The following ZNF347 variants were observed in gnomAD, a reference collection of about 807,000 sequenced individuals.
ZNF347 encodes the protein CTD-2620I22.7.
ZNF347 carries 19 observed loss-of-function variants against 12.9 expected under a neutral mutation model. The observed-to-expected ratio is 1.47, with a 90% CI of 1.03 to 2.16. ZNF347 has a LOEUF of 2.16. ZNF347 is among the 30% of genes most tolerant of loss of function. The pLI is 0.00. For missense variants in ZNF347, 1,005 were observed against 990.6 expected, an observed-to-expected ratio of 1.01 and a Z score of -0.19; for synonymous variants, 328 against 340.6, an observed-to-expected ratio of 0.96 and a Z score of 0.41.
intron 1 of ZNF347, among the ~76,000 whole-genome samples, chr19:53,157,817 G>A (rs1208897400): frequency 6.6e-6 from 1 of 152,218 alleles, no homozygotes; most frequent in East Asian, 1.9e-4. Context: ...GACTCTGTCT[G>A]AGGAGCCTCC....
rs1327514128 is a variant in ZNF347 at position 53,138,346 on chromosome 19, G to A, written c.*1962C>T. On this transcript the variant is annotated 3_prime_UTR_variant, in exon 5 of 5. Transcript: ENST00000334197. ...TTGTCCTGGCTGGTTCAAACTCCTG[G>A]ACTCAAGTGACCCCCCTGCCTTGGG... 1 of 150,834 alleles carries A rather than the reference G, an allele frequency of 6.6e-6. No homozygotes were observed. The highest frequency in any genetic ancestry group is 2.4e-5 in the African/African-American group (1 of 40,908). 9.3% of individuals were successfully genotyped at this position (150,834 alleles called of 1,614,324 possible).
chr19:53,141,422 T>C lies in ZNF347; in HGVS notation c.1406A>G (p.Asn469Ser). The change falls in exon 5 of 5, where the codon AAT becomes AGT. Residue 469 changes from asparagine (N) to serine (S), a missense_variant. Asn to Ser is a conservative substitution (Grantham distance 46). Transcript: ENST00000334197. ...TAGCTGATGCCTTGCAAGGTGTGAA[T>C]TACGCCTAAAGACCTTGCCGCATTC... ...CHECGKVFRR[N>S]SHLARHQLIH... is the part of the protein sequence containing the mutation. The C allele has an allele frequency of 5.0e-6, 8 of 1,613,900 alleles. No individual in the cohort carries two copies. Among genetic ancestry groups the C allele is most frequent in the Non-Finnish European group, 6.8e-6 (8 of 1,179,922 alleles).
chr19:53,147,225 A>G (rs1464151017), intron 4 of ZNF347, among the ~76,000 whole-genome samples: 1 of 151,870 alleles, frequency 6.6e-6, no homozygotes, highest in East Asian at 1.9e-4. Context: ...AAATACAAAA[A>G]TCAGCCAAGT....
Position 53,142,448 on chromosome 19 carries a change from T to G in ZNF347, c.380A>C (p.Glu127Ala). 1 of 1,614,124 alleles carries G rather than the reference T, an allele frequency of 6.2e-7. No homozygotes were observed. The highest frequency in any genetic ancestry group is 8.5e-7 in the Non-Finnish European group (1 of 1,179,978). Residue 127 changes from glutamate to alanine, a missense_variant, in exon 5 of 5, where the codon GAA (glutamate) becomes GCA (alanine). Physicochemically the swap from Glu to Ala is moderately radical, Grantham distance 107. Transcript: ENST00000334197. Reference protein sequence around the residue: ...MLERQESQDIEGCSFREVQKN... With the variant: ...MLERQESQDIAGCSFREVQKN... ...CTGGACTTCCCTGAAGGAACATCCT[T>G]CAATGTCTTGGCTTTCCTGTCTTTC...
Position 53,142,109 on chromosome 19 carries a change from T to C in ZNF347, c.719A>G (p.Lys240Arg). ...VKTHISKKYL[K>R]DFISSLLLTQ... Reference sequence around the variant, plus strand: ...GAGTAATAAAGAAGAGATAAAATCTTTGAGATATTTCTTAGAAATGTGGGT... The same window carrying C: ...GAGTAATAAAGAAGAGATAAAATCTCTGAGATATTTCTTAGAAATGTGGGT... Residue 240 changes from lysine (K) to arginine (R), a missense_variant, in exon 5 of 5, where the codon AAA (lysine) becomes AGA (arginine). Transcript: ENST00000334197. The C allele has an allele frequency of 1.9e-6, 3 of 1,612,842 alleles. No homozygotes were observed. The highest frequency in any genetic ancestry group is 2.2e-5 in the South Asian group (2 of 90,608).
chr19:53,142,537 T>C lies in ZNF347; in HGVS notation c.291A>G (p.Val97=), dbSNP rs776445866. 7.5e-6 allele frequency: 12 copies of C among 1,591,418 alleles called. No homozygotes were observed. Among genetic ancestry groups the C allele is most frequent in the South Asian group, 5.7e-5 (5 of 87,406 alleles). Residue 97 remains valine (V), a synonymous_variant, in exon 5 of 5, where the codon GTA becomes GTG. Transcript: ENST00000334197. ...TCCCTTTGTGTAGTAAATCTTTCAT[T>C]ACAAATTCGGAAGAGAGAGCTACAA... The part of the protein sequence containing the change: ...AVITALSSEF[V]MKDLLHKGKS...
At chr19:53,143,285 G>C (rs920767819) in intron 4 of ZNF347, among the ~76,000 whole-genome samples, 3 of 151,756 alleles carry the variant, frequency 2.0e-5, no homozygotes, top group Non-Finnish European at 2.9e-5. Context: ...GTGCAGGTTA[G>C]TTACATATGT....
At chr19:53,149,543 C>A in intron 2 of ZNF347, 176 bp from the exon 3 acceptor site, 1 of 1,275,852 alleles carries the variant, frequency 7.8e-7, no homozygotes, top group South Asian at 1.5e-5. Flanking sequence ...CACTTGGAAT[C>A]TCTGGAGTGA....
chr19:53,147,863 A>G (rs1286543107), intron 4 of ZNF347, among the ~76,000 whole-genome samples: 1 of 152,218 alleles, frequency 6.6e-6, no homozygotes, highest in Non-Finnish European at 1.5e-5. Flanking sequence ...TTTAATACAC[A>G]CAAATCAATT....
Position 53,157,974 on chromosome 19 carries a change from C to T in ZNF347, c.-47+1035G>A, listed in dbSNP as rs1354686767. Among the ~76,000 whole-genome samples the T allele has an allele frequency of 2.6e-5, 4 of 152,322 alleles. No homozygotes were observed. The East Asian group carries it at 7.7e-4, about 29-fold the overall frequency. ...AATCCCTCGCCCATCCTCTACTTTG[C>T]CATCTGGTTACGGGTTTCCCTCACT... On this transcript the variant is annotated intron_variant, in intron 1 of 4. Transcript: ENST00000334197.
chr19:53,138,508 G>A lies in ZNF347; in HGVS notation c.*1800C>T, dbSNP rs2090399228. On this transcript the variant is annotated 3_prime_UTR_variant, in exon 5 of 5. Transcript: ENST00000334197. ...CACAAGCATGTAAAAATATAATATGGTATATATTCACCAACACTGTGGCAG... is the reference window on the plus strand; with the variant it reads ...CACAAGCATGTAAAAATATAATATGATATATATTCACCAACACTGTGGCAG... The A allele has an allele frequency of 6.6e-6, 1 of 152,138 alleles. No individual in the cohort carries two copies. Among genetic ancestry groups the A allele is most frequent in the African/African-American group, 2.4e-5 (1 of 41,426 alleles). The allele number at this position is 152,138 out of a possible 1,614,324, so 9.4% of individuals were successfully genotyped here.
In ZNF347 at chr19:53,153,609, C is replaced by A. The variant is rs767738991; in HGVS notation, c.15+124G>T. On this transcript the variant is annotated intron_variant, in intron 2 of 4. Transcript: ENST00000334197. Reference sequence around the variant, plus strand: ...AGATGAGAGGGACTGAGGGAAGGCACGCGTAAGTGCGAGCAAACCTGTCAG... The same window carrying A: ...AGATGAGAGGGACTGAGGGAAGGCAAGCGTAAGTGCGAGCAAACCTGTCAG... The A allele has an allele frequency of 3.4e-6, 5 of 1,453,708 alleles. No individual in the cohort carries two copies. The African/African-American group carries it at 5.6e-5, about 16-fold the overall frequency. The allele number at this position is 1,453,708 out of a possible 1,614,324, so 90.1% of individuals were successfully genotyped here. A position where few individuals can be genotyped will look rare whatever the true frequency, so the allele number is the denominator to read the frequency against.
intron 1 of ZNF347, among the ~76,000 whole-genome samples, chr19:53,158,263 G>A (rs1333400896): frequency 6.6e-6 from 1 of 152,148 alleles, no homozygotes; most frequent in African/African-American, 2.4e-5. Context: ...ACGAGGAGGA[G>A]GGAGGTGGCG....
Position 53,141,913 on chromosome 19 carries a change from A to G in ZNF347, c.915T>C (p.Thr305=). The G allele has an allele frequency of 6.2e-7, 1 of 1,613,874 alleles. No individual in the cohort carries two copies. The highest frequency in any genetic ancestry group is 2.2e-5 in the East Asian group (1 of 44,866). Residue 305 remains threonine (T), a synonymous_variant, in exon 5 of 5, where the codon ACT becomes ACC. Coordinates refer to ENST00000334197, the MANE Select transcript of ZNF347 (RefSeq NM_032584.3). The part of the protein sequence containing the change: ...GKAFRTRSNL[T]THQVIHTGEK... ...CGCCAGTATGGATCACCTGATGGGTAGTTAGGTTTGAACGTGTTCTAAAGG... is the reference window on the plus strand; with the variant it reads ...CGCCAGTATGGATCACCTGATGGGTGGTTAGGTTTGAACGTGTTCTAAAGG...
At position 53,141,725 on chromosome 19, in the gene ZNF347, G is replaced by A; in HGVS notation, c.1103C>T (p.Thr368Ile). The A allele has an allele frequency of 5.0e-6, 8 of 1,613,956 alleles. No homozygotes were observed. The highest frequency in any genetic ancestry group is 6.8e-6 in the Non-Finnish European group (8 of 1,179,934). Residue 368 changes from threonine (T) to isoleucine (I), a missense_variant, in exon 5 of 5, where the codon ACT becomes ATT. Thr to Ile is a moderately conservative substitution (Grantham distance 89, BLOSUM62 -1). Coordinates refer to ENST00000334197, the MANE Select transcript of ZNF347 (RefSeq NM_032584.3). Reference protein sequence around the residue: ...SHLVRHRGIHTGEKPYKCNEC... With the variant: ...SHLVRHRGIHIGEKPYKCNEC... The stretch of plus-strand genomic sequence containing the variant: ...ATTACACTTGTAAGGTTTCTCTCCA[G>A]TATGAATTCCTCGATGTCTTACAAG...
chr19:53,145,335 C>T (rs1049676871), intron 4 of ZNF347, among the ~76,000 whole-genome samples: 9 of 145,672 alleles, frequency 6.2e-5, no homozygotes, highest in African/African-American at 1.5e-4. Flanking sequence ...GGAAATTAGA[C>T]AACATATTCC....
rs1335233683 is a variant in ZNF347, at chr19:53,137,825, G to T, written c.*2483C>A. The T allele has an allele frequency of 2.0e-5, 3 of 151,682 alleles. No individual in the cohort carries two copies. The East Asian group carries it at 5.8e-4, about 29-fold the overall frequency. The allele number at this position is 151,682 out of a possible 1,614,324, so 9.4% of individuals were successfully genotyped here. On this transcript the variant is annotated 3_prime_UTR_variant, in exon 5 of 5. Coordinates refer to ENST00000334197, the MANE Select transcript of ZNF347 (RefSeq NM_032584.3). The stretch of plus-strand genomic sequence containing the variant: ...TTTCATAATTTTTTTTTTTGAGACG[G>T]AGTCTCACTTTCTCGCCCAGGCTGG...
At chr19:53,145,708 C>T (rs1599855540) in intron 4 of ZNF347, among the ~76,000 whole-genome samples, 1 of 151,288 alleles carries the variant, frequency 6.6e-6, no homozygotes, top group Non-Finnish European at 1.5e-5. Context: ...TTTCCTGAAA[C>T]AAATTAAAAT....
intron 4 of ZNF347, among the ~76,000 whole-genome samples, chr19:53,147,562 AAATAAT>A (rs59684814): frequency 6.6e-6 from 1 of 151,118 alleles, no homozygotes; most frequent in Non-Finnish European, 1.5e-5. Context: ...AGACTATCTC[AAATAAT>A]AATAATAATA....
Sources: allele counts gnomAD v4.1 joint callset (sites outside exome capture counted in the v4.1 genomes callset), GRCh38; gene constraint gnomAD v4.1.1; transcripts MANE v1.5; gene names NCBI Gene and HGNC (gene_info 2026-07-23, HGNC 2026-07-21).